Variants in ALDH18A1 observed in about 807,000 individuals in gnomAD.
ALDH18A1 encodes delta-1-pyrroline-5-carboxylate synthase.
ALDH18A1 carries 44 observed loss-of-function variants against 88.8 expected under a neutral mutation model. The ratio of observed to expected loss-of-function variants is 0.50; its 90% CI spans 0.39 to 0.64. The LOEUF is 0.64. Among genes scored for constraint, ALDH18A1 ranks in the 30% least tolerant of loss-of-function variants. The probability of loss-of-function intolerance (pLI) is 0.00; values close to 1 mark genes in which losing one functional copy is unlikely to be tolerated. For missense variants in ALDH18A1, 782 were observed against 1,009.5 expected (o/e 0.77, Z 3.05); for synonymous variants, 331 against 372.1 (o/e 0.89, Z 1.27).
At chr10:95,655,751 C>G (rs3793746) in intron 1 of ALDH18A1, among the ~76,000 whole-genome samples, 2,276 of 152,016 alleles carry the variant, frequency 0.015, 31 homozygotes, top group Middle Eastern at 0.044. Context: ...TGTCTCGACT[C>G]TGTGTGTGTG....
Position 95,633,029 on chromosome 10 carries a change from A to G in ALDH18A1, c.738T>C (p.Asn246=), listed in dbSNP as rs2097873454. The G allele has an allele frequency of 6.2e-7, 1 of 1,614,006 alleles. No individual in the cohort carries two copies. The highest frequency in any genetic ancestry group is 8.5e-7 in the Non-Finnish European group (1 of 1,179,952). ...QGVNVISVKD[N]DSLAARLAVE... ...CAGCCAGTCGGGCAGCCAGGCTATCATTATCTTTAACACTAATAACCTAGA... is the reference window on the plus strand; with the variant it reads ...CAGCCAGTCGGGCAGCCAGGCTATCGTTATCTTTAACACTAATAACCTAGA... The change falls in exon 7 of 18, where the codon AAT becomes AAC. Residue 246 remains asparagine (N), a synonymous_variant. Coordinates refer to ENST00000371224, the MANE Select transcript of ALDH18A1 (RefSeq NM_002860.4).
intron 15 of ALDH18A1, among the ~76,000 whole-genome samples, chr10:95,613,036 C>T (rs1244972570): frequency 6.6e-6 from 1 of 152,240 alleles, no homozygotes; most frequent in Non-Finnish European, 1.5e-5. Context: ...ACCTTCTCTA[C>T]TGCCATGCTG....
At chr10:95,623,635 G>A (rs372031436) in intron 11 of ALDH18A1, among the ~76,000 whole-genome samples, 29 of 151,964 alleles carry the variant, frequency 1.9e-4, no homozygotes, top group Middle Eastern at 6.8e-3. Flanking sequence ...GTGCCACCTC[G>A]GCTCATGGCA....
At chr10:95,627,407 T>C (rs987464652) in intron 9 of ALDH18A1, 35 bp downstream of exon 9, 1 of 1,613,464 alleles carries the variant, frequency 6.2e-7, no homozygotes, top group Non-Finnish European at 8.5e-7. Flanking sequence ...CTAGTTCCCA[T>C]CACAGGCCTT....
At position 95,613,769 on chromosome 10, in the gene ALDH18A1, C is replaced by T. The variant is rs762964332; in HGVS notation, c.1896G>A (p.Gln632=). Residue 632 remains glutamine (Q), a synonymous_variant, in exon 15 of 18, where the codon CAG becomes CAA. Coordinates refer to ENST00000371224, the MANE Select transcript of ALDH18A1 (RefSeq NM_002860.4). ...GTTCCACTCTCAGCATATCAATGAT[C>T]TGGTCAAATAATGGTGTCCTGAGCA... ...RDLLRTPLFD[Q]IIDMLRVEQV... 2.5e-6 allele frequency: 4 copies of T among 1,614,032 alleles called. No individual in the cohort carries two copies. The African/African-American group carries it at 5.3e-5, about 22-fold the overall frequency.
chr10:95,623,415 C>CTTT (rs1287365163), intron 11 of ALDH18A1, among the ~76,000 whole-genome samples: 1 of 139,890 alleles, frequency 7.1e-6, no homozygotes. Flanking sequence ...CTTTCTTTTT[C>CTTT]TTTTTTTTTT....
At chr10:95,618,611 G>A (rs2485642) in intron 12 of ALDH18A1, among the ~76,000 whole-genome samples, 20,596 of 152,216 alleles carry the variant, frequency 0.14, 1,947 homozygotes, top group East Asian at 0.49. Flanking sequence ...ACTGTGCCTG[G>A]CCGACAGTTG....
In ALDH18A1 at chr10:95,638,060, C is replaced by T. The variant is rs1341034725; in HGVS notation, c.304-624G>A. Among the ~76,000 whole-genome samples the T allele has an allele frequency of 2.0e-5, 3 of 152,138 alleles. No homozygotes were observed. In the East Asian group the frequency reaches 5.8e-4, roughly 29 times the overall value. ...GCAGAGTCTTGCTCTGTCGCCCAGG[C>T]TGGAGTGCCGTGGCATGAATGTGGC... On this transcript the variant is annotated intron_variant, in intron 3 of 17. Coordinates refer to ENST00000371224, the MANE Select transcript of ALDH18A1 (RefSeq NM_002860.4).
intron 2 of ALDH18A1, among the ~76,000 whole-genome samples, chr10:95,646,341 C>T (rs1398337148): frequency 6.6e-6 from 1 of 152,150 alleles, no homozygotes; most frequent in Non-Finnish European, 1.5e-5. Flanking sequence ...CAGTCTGTAT[C>T]AGGAGAAGAG....
chr10:95,630,628 T>C (rs2097867453), intron 7 of ALDH18A1, among the ~76,000 whole-genome samples: 1 of 151,968 alleles, frequency 6.6e-6, no homozygotes, highest in Non-Finnish European at 1.5e-5. Flanking sequence ...GGAGAATCGC[T>C]TGAACCCAGG....
At chr10:95,626,946 T>C (rs1020666530) in intron 9 of ALDH18A1, among the ~76,000 whole-genome samples, 170 bp from the exon 10 acceptor site, 11 of 152,126 alleles carry the variant, frequency 7.2e-5, no homozygotes, top group African/African-American at 2.4e-4. Context: ...ACCAATAAAA[T>C]AGCAAAAGAA....
intron 16 of ALDH18A1, among the ~76,000 whole-genome samples, chr10:95,610,964 GTTTAT>G (rs2139528842): frequency 6.6e-6 from 1 of 152,278 alleles, no homozygotes; most frequent in South Asian, 2.1e-4. Context: ...TGTAAAATGG[GTTTAT>G]TTTAACTACC....
Position 95,621,008 on chromosome 10 carries a change from A to T in ALDH18A1, c.1467+23T>A, listed in dbSNP as rs548657482. On this transcript the variant is annotated intron_variant, in intron 12 of 17. Coordinates refer to ENST00000371224, the MANE Select transcript of ALDH18A1 (RefSeq NM_002860.4). Reference sequence around the variant, plus strand: ...ACCAGCCCCCAATGGCAGGGTATTTATTCTCCCGGGGTATATACACACCTG... The same window carrying T: ...ACCAGCCCCCAATGGCAGGGTATTTTTTCTCCCGGGGTATATACACACCTG... 1.2e-5 allele frequency: 19 copies of T among 1,609,770 alleles called. No homozygotes were observed. In the East Asian group the frequency reaches 3.1e-4, roughly 26 times the overall value.
intron 16 of ALDH18A1, 57 bp downstream of exon 16, chr10:95,611,199 C>T: frequency 6.2e-7 from 1 of 1,602,992 alleles, no homozygotes; most frequent in Non-Finnish European, 8.5e-7. Context: ...CTAAGAGGAG[C>T]AGGATCAGAA....
At chr10:95,644,279 T>C (rs1447684178) in intron 2 of ALDH18A1, among the ~76,000 whole-genome samples, 1 of 152,208 alleles carries the variant, frequency 6.6e-6, no homozygotes, top group Non-Finnish European at 1.5e-5. Context: ...GTAACAATGA[T>C]CAAAGAAACC....
intron 7 of ALDH18A1, among the ~76,000 whole-genome samples, chr10:95,630,807 C>T (rs904291793): frequency 1.3e-5 from 2 of 152,180 alleles, no homozygotes; most frequent in African/African-American, 4.8e-5. Context: ...CTTACCTGTT[C>T]CTATCCTGGG....
At chr10:95,643,931 G>A (rs538889304) in intron 2 of ALDH18A1, among the ~76,000 whole-genome samples, 45 of 152,328 alleles carry the variant, frequency 3.0e-4, no homozygotes, top group Non-Finnish European at 5.4e-4. Context: ...ATCACCTGAG[G>A]TCAGGAGTTC....
Position 95,606,649 on chromosome 10 carries a change from T to C in ALDH18A1, c.*113A>G, listed in dbSNP as rs1565987970. 1.1e-5 allele frequency: 18 copies of C among 1,608,042 alleles called. No individual in the cohort carries two copies. The highest frequency in any genetic ancestry group is 1.7e-5 in the Admixed American group (1 of 59,922). On this transcript the variant is annotated 3_prime_UTR_variant, in exon 18 of 18. Coordinates refer to ENST00000371224, the MANE Select transcript of ALDH18A1 (RefSeq NM_002860.4). ...AGCCCAGAAGCATCCAGGTACACTT[T>C]CCAACAGGCAGACCCTACCAGGAAC...
At chr10:95,633,812 C>CT (rs869056809) in intron 5 of ALDH18A1, among the ~76,000 whole-genome samples, 163 bp from the exon 6 acceptor site, 4,892 of 103,244 alleles carry the variant, frequency 0.047, 481 homozygotes, top group African/African-American at 0.15. Context: ...CTATCCAATT[C>CT]TTTTTTTTTT....
Sources: allele counts gnomAD v4.1 joint callset (sites outside exome capture counted in the v4.1 genomes callset), GRCh38; gene constraint gnomAD v4.1.1; transcripts MANE v1.5; gene names NCBI Gene and HGNC (gene_info 2026-07-23, HGNC 2026-07-21).